PAK5: variants seen among roughly 807,000 people sequenced by gnomAD.
PAK5 encodes p21 (RAC1) activated kinase 5.
Under a neutral mutation model 65.9 loss-of-function variants are expected in PAK5, and 16 were observed. The observed-to-expected ratio is 0.24, with a 90% CI of 0.16 to 0.37. The LOEUF is 0.37. Among genes scored for constraint, PAK5 ranks in the 10% least tolerant of loss-of-function variants. PAK5 has a pLI of 1.00. For synonymous variants in PAK5, 371 were observed against 354.9 expected (o/e 1.05, Z -0.51); for missense variants, 785 against 903.9 (o/e 0.87, Z 1.69).
At chr20:9,716,156 ATT>A (rs1228559036) in intron 1 of PAK5, among the ~76,000 whole-genome samples, 1 of 22,938 alleles carries the variant, frequency 4.4e-5, no homozygotes, top group African/African-American at 1.3e-4. Context: ...AAAAAAAAAA[ATT>A]AAAAAAAAAA....
Position 9,549,081 on chromosome 20 carries a change from A to C in PAK5, c.1744-4587T>G, listed in dbSNP as rs2045388370. Reference sequence around the variant, plus strand: ...AGTTGTGATACGTGGTCCATAATCCATGGTGCCCTATTATAAGAGGAGTCG... The same window carrying C: ...AGTTGTGATACGTGGTCCATAATCCCTGGTGCCCTATTATAAGAGGAGTCG... On this transcript the variant is annotated intron_variant, in intron 7 of 9. Transcript: ENST00000353224. Among the ~76,000 whole-genome samples, 6 of 152,180 alleles carry C rather than the reference A, an allele frequency of 3.9e-5. No homozygotes were observed. In the South Asian group the frequency reaches 1.2e-3, roughly 31 times the overall value.
At chr20:9,682,018 A>G (rs945660006) in intron 2 of PAK5, among the ~76,000 whole-genome samples, 1 of 152,182 alleles carries the variant, frequency 6.6e-6, no homozygotes, top group African/African-American at 2.4e-5. Context: ...TACAACGAGA[A>G]AAGTTTGACA....
chr20:9,775,613 C>A (rs2048879534), intron 1 of PAK5, among the ~76,000 whole-genome samples: 1 of 152,144 alleles, frequency 6.6e-6, no homozygotes, highest in African/African-American at 2.4e-5. Flanking sequence ...CAATTAGCAG[C>A]AAAGGGCAAA....
chr20:9,833,782 G>A (rs202047785), intron 1 of PAK5, among the ~76,000 whole-genome samples: 1 of 152,116 alleles, frequency 6.6e-6, no homozygotes, highest in East Asian at 1.9e-4. Flanking sequence ...AAAGCATAAG[G>A]TATGTCTTTC....
At chr20:9,661,880 C>T (rs2123334906) in intron 2 of PAK5, among the ~76,000 whole-genome samples, 1 of 152,220 alleles carries the variant, frequency 6.6e-6, no homozygotes, top group Admixed American at 6.5e-5. Flanking sequence ...CCTACAACCA[C>T]AAAAGGTAGC....
At chr20:9,755,284 T>G (rs183754194) in intron 1 of PAK5, among the ~76,000 whole-genome samples, 1 of 152,168 alleles carries the variant, frequency 6.6e-6, no homozygotes, top group Non-Finnish European at 1.5e-5. Flanking sequence ...CAAGTTAACC[T>G]TTTTTTAGTG....
intron 2 of PAK5, among the ~76,000 whole-genome samples, chr20:9,690,376 C>T (rs990152247): frequency 1.3e-5 from 2 of 152,050 alleles, no homozygotes; most frequent in South Asian, 4.1e-4. Context: ...GAAATATGTG[C>T]TTTAGATTGG....
chr20:9,819,995 A>G (rs2049401072), intron 1 of PAK5, among the ~76,000 whole-genome samples: 1 of 152,276 alleles, frequency 6.6e-6, no homozygotes, highest in South Asian at 2.1e-4. Flanking sequence ...GAGCTGAAAG[A>G]TGGGGAAGAA....
chr20:9,823,752 C>T (rs1013505127), intron 1 of PAK5, among the ~76,000 whole-genome samples: 10 of 152,166 alleles, frequency 6.6e-5, no homozygotes, highest in African/African-American at 1.2e-4. Flanking sequence ...TCTCTCTTAA[C>T]GGTATTCCAT....
In PAK5 at chr20:9,580,412, C is replaced by T; in HGVS notation, c.723G>A (p.Gly241=). The change falls in exon 4 of 10, where the codon GGG becomes GGA. Residue 241 remains glycine (G), a synonymous_variant. Coordinates refer to ENST00000353224, the MANE Select transcript of PAK5 (RefSeq NM_177990.4). ...GGCTCTCCTTGGAGCACCCGCTGGTCCCTGCAGTTCTAGAAGGTGTGAATT... is the reference window on the plus strand; with the variant it reads ...GGCTCTCCTTGGAGCACCCGCTGGTTCCTGCAGTTCTAGAAGGTGTGAATT... ...SFQFTPSRTA[G]TSGCSKESLA... 2 of 1,614,050 alleles carry T rather than the reference C, an allele frequency of 1.2e-6. No individual in the cohort carries two copies. Among genetic ancestry groups the T allele is most frequent in the Non-Finnish European group, 1.7e-6 (2 of 1,180,002 alleles).
intron 2 of PAK5, among the ~76,000 whole-genome samples, chr20:9,681,399 G>A (rs186186339): frequency 5.9e-5 from 9 of 151,974 alleles, no homozygotes; most frequent in Non-Finnish European, 8.8e-5. Flanking sequence ...TAATATAGAC[G>A]GGTTAAAATA....
intron 2 of PAK5, among the ~76,000 whole-genome samples, chr20:9,682,246 A>G (rs575487001): frequency 1.2e-3 from 181 of 152,140 alleles, no homozygotes; most frequent in African/African-American, 4.2e-3. Flanking sequence ...AGTCCTAGCT[A>G]CTCGGGAGGC....
chr20:9,761,194 TATC>T (rs1040499549), intron 1 of PAK5, among the ~76,000 whole-genome samples: 3 of 152,118 alleles, frequency 2.0e-5, no homozygotes, highest in Non-Finnish European at 4.4e-5. Flanking sequence ...GAAAAATAAA[TATC>T]ATCTTCCAGG....
chr20:9,712,376 C>T (rs1891689838), intron 1 of PAK5, among the ~76,000 whole-genome samples: 1 of 152,068 alleles, frequency 6.6e-6, no homozygotes, highest in Admixed American at 6.6e-5. Context: ...GGACTACATA[C>T]AGATTTTATA....
chr20:9,749,622 A>G (rs1349557095), intron 1 of PAK5, among the ~76,000 whole-genome samples: 2 of 152,174 alleles, frequency 1.3e-5, no homozygotes, highest in Non-Finnish European at 1.5e-5. Context: ...CCATAGATTG[A>G]TGTAATCACA....
intron 2 of PAK5, among the ~76,000 whole-genome samples, chr20:9,665,085 G>GGTTT (rs1555910638): frequency 1.0e-5 from 1 of 98,920 alleles, no homozygotes; most frequent in Non-Finnish European, 1.9e-5. Flanking sequence ...AAATTTTTCT[G>GGTTT]TTTTTTTTTT....
chr20:9,731,982 T>C (rs1016760576), intron 1 of PAK5, among the ~76,000 whole-genome samples: 7 of 152,126 alleles, frequency 4.6e-5, no homozygotes, highest in Non-Finnish European at 1.5e-5. Context: ...CCAATGAAAG[T>C]ATTAGTCTTT....
Sources: gnomAD v4.1 joint callset for allele counts (sites outside exome capture counted in the v4.1 genomes callset) on GRCh38, gnomAD v4.1.1 for gene constraint, MANE v1.5 for transcripts, NCBI Gene and HGNC (gene_info 2026-07-23, HGNC 2026-07-21) for gene names.